Variants in CLDN14 observed in about 807,000 individuals in gnomAD.
The protein encoded by CLDN14 is claudin-14.
Under a neutral mutation model 2.1 loss-of-function variants are expected in CLDN14, and 2 were observed. The ratio of observed to expected loss-of-function variants is 0.96; its 90% CI spans 0.39 to 3.01. CLDN14 has a LOEUF of 3.01. Among genes scored for constraint, CLDN14 ranks in the 30% most tolerant of loss-of-function variants. The probability of loss-of-function intolerance (pLI) is 0.09; values close to 1 mark genes in which losing one functional copy is unlikely to be tolerated. For synonymous variants in CLDN14, 136 were observed against 154.4 expected (o/e 0.88, Z 0.88); for missense variants, 298 against 328.0 (o/e 0.91, Z 0.71).
intron 1 of CLDN14, among the ~76,000 whole-genome samples, chr21:36,470,384 C>T (rs562668046): frequency 5.3e-5 from 8 of 152,220 alleles, no homozygotes; most frequent in East Asian, 1.9e-4. Context: ...CATGTGCAGA[C>T]GGAGGCAGAG....
intron 1 of CLDN14, among the ~76,000 whole-genome samples, chr21:36,572,297 C>T (rs547938661): frequency 1.6e-4 from 25 of 152,118 alleles, no homozygotes; most frequent in African/African-American, 5.5e-4. Flanking sequence ...TGCGCGTGCT[C>T]CCCAAACAGG....
intron 1 of CLDN14, among the ~76,000 whole-genome samples, chr21:36,470,817 TA>T (rs200002130): frequency 6.0e-5 from 9 of 150,964 alleles, no homozygotes; most frequent in Admixed American, 6.6e-5. Context: ...CCACTAAAAA[TA>T]AAAAAAAATT....
chr21:36,565,657 G>A (rs557335650), intron 1 of CLDN14, among the ~76,000 whole-genome samples: 49 of 152,148 alleles, frequency 3.2e-4, no homozygotes, highest in Non-Finnish European at 5.7e-4. Flanking sequence ...TCTGAACATC[G>A]GGGAGAGGGC....
chr21:36,565,421 C>CT (rs35387904), intron 1 of CLDN14, among the ~76,000 whole-genome samples: 310 of 149,184 alleles, frequency 2.1e-3, no homozygotes, highest in Middle Eastern at 0.01. Context: ...TTTCCCAAAT[C>CT]TTTTTTTTTT....
At position 36,516,770 on chromosome 21, in the gene CLDN14, C is replaced by T. The variant is rs1012099485; in HGVS notation, c.-219-6270G>A. On this transcript the variant is annotated intron_variant, in intron 1 of 2. Transcript: ENST00000342108. ...GCTGGACACACAGTACATTGGTGAGCGATAAGACATAGGAAAGTTAAATTC... is the reference window on the plus strand; with the variant it reads ...GCTGGACACACAGTACATTGGTGAGTGATAAGACATAGGAAAGTTAAATTC... Among the ~76,000 whole-genome samples the T allele has an allele frequency of 8.5e-5, 13 of 152,154 alleles. 1 individual carries two copies. The highest frequency in any genetic ancestry group is 4.1e-4 in the South Asian group (2 of 4,830).
At chr21:36,523,559 C>T (rs931009285) in intron 1 of CLDN14, among the ~76,000 whole-genome samples, 2 of 151,494 alleles carry the variant, frequency 1.3e-5, no homozygotes, top group African/African-American at 2.4e-5. Flanking sequence ...CCAACCTGGT[C>T]GACATGGCAA....
At chr21:36,496,670 A>AGAGG (rs1269463595) in intron 2 of CLDN14, among the ~76,000 whole-genome samples, 1 of 125,500 alleles carries the variant, frequency 8.0e-6, no homozygotes, top group African/African-American at 3.2e-5. Flanking sequence ...AGAAGAAAGC[A>AGAGG]GAGGAAGGAA....
At chr21:36,507,522 G>T (rs749020586) in intron 2 of CLDN14, among the ~76,000 whole-genome samples, 5 of 152,198 alleles carry the variant, frequency 3.3e-5, no homozygotes, top group Non-Finnish European at 5.9e-5. Flanking sequence ...CCAGCACTTC[G>T]AAAGGCCAAG....
intron 1 of CLDN14, among the ~76,000 whole-genome samples, chr21:36,529,951 C>A (rs556780753): frequency 6.6e-6 from 1 of 152,266 alleles, no homozygotes; most frequent in African/African-American, 2.4e-5. Flanking sequence ...TGCTCATCGA[C>A]CCCGAATAAC....
intron 1 of CLDN14, among the ~76,000 whole-genome samples, chr21:36,514,702 G>C (rs2087213761): frequency 6.6e-6 from 1 of 151,524 alleles, no homozygotes; most frequent in Non-Finnish European, 1.5e-5. Flanking sequence ...CATGGGAAGA[G>C]AGGAGAGGAG....
intron 1 of CLDN14, among the ~76,000 whole-genome samples, chr21:36,471,915 C>T (rs1011495301): frequency 2.0e-5 from 3 of 152,028 alleles, no homozygotes; most frequent in Non-Finnish European, 1.5e-5. Flanking sequence ...AGGTTTAAAA[C>T]TCATTCTCTG....
In CLDN14 at chr21:36,553,183, C is replaced by T. The variant is rs1251108243; in HGVS notation, c.-220+23228G>A. ...AAGGTAGCTGCAGCCTCGAGGCCCC[C>T]GTCTGTTGGAAGGACTCCCCTCGAG... On this transcript the variant is annotated intron_variant, in intron 1 of 2. Coordinates refer to the CLDN14 transcript ENST00000342108. Among the ~76,000 whole-genome samples the T allele has an allele frequency of 2.6e-5, 4 of 152,310 alleles. No individual in the cohort carries two copies. In the East Asian group the frequency reaches 5.8e-4, roughly 22 times the overall value.
chr21:36,536,626 A>G (rs531192815), intron 1 of CLDN14, among the ~76,000 whole-genome samples: 78 of 152,314 alleles, frequency 5.1e-4, no homozygotes, highest in African/African-American at 1.8e-3. Flanking sequence ...GAAAGCTGAG[A>G]GTGAAATTTT....
At chr21:36,561,963 T>C (rs77395965) in intron 1 of CLDN14, among the ~76,000 whole-genome samples, 1 of 150,426 alleles carries the variant, frequency 6.6e-6, no homozygotes, top group Non-Finnish European at 1.5e-5. Context: ...TTCAAGACTC[T>C]TGTTTTGCTG....
At chr21:36,483,256 C>T (rs1473095722), upstream of CLDN14, among the ~76,000 whole-genome samples, 1 of 149,414 alleles carries the variant, frequency 6.7e-6, no homozygotes, top group Non-Finnish European at 1.5e-5. Flanking sequence ...GTTTCTGACT[C>T]GGGGTCTGCA....
intron 1 of CLDN14, among the ~76,000 whole-genome samples, chr21:36,568,411 G>GA (rs905923271): frequency 6.6e-6 from 1 of 152,170 alleles, no homozygotes; most frequent in South Asian, 2.1e-4. Flanking sequence ...TCCCAGCTAG[G>GA]AAAAAAATGC....
At chr21:36,521,052 T>C (rs75461286) in intron 1 of CLDN14, among the ~76,000 whole-genome samples, 2,693 of 152,134 alleles carry the variant, frequency 0.018, 83 homozygotes, top group African/African-American at 0.062. Flanking sequence ...AGCCAGACGT[T>C]CTTGAAAAGC....
rs58458004 is a variant in CLDN14, at chr21:36,501,332, CTTTTT to C, written c.-82+9026_-82+9030del. 9.8e-3 allele frequency among the ~76,000 whole-genome samples: 471 copies of C among 48,214 alleles called. 5 individuals are homozygous for C. Among genetic ancestry groups the C allele is most frequent in the African/African-American group, 0.025 (442 of 17,396 alleles). The allele number at this position is 48,214 out of a possible 152,430, so 31.6% of individuals were successfully genotyped here. A position where few individuals can be genotyped will look rare whatever the true frequency, so the allele number is the denominator to read the frequency against. The stretch of plus-strand genomic sequence containing the variant: ...AATGGGAGTTTCAGTCAATATCTCA[CTTTTT>C]TTTTTTTTTTTTTTTTTTTTTTTTT... On this transcript the variant is annotated intron_variant, in intron 2 of 2. Coordinates refer to the CLDN14 transcript ENST00000342108.
At chr21:36,515,672 CAAAA>C (rs112275304) in intron 1 of CLDN14, among the ~76,000 whole-genome samples, 3 of 85,250 alleles carry the variant, frequency 3.5e-5, no homozygotes, top group Non-Finnish European at 7.6e-5. Context: ...GTCTCCATCT[CAAAA>C]AAAAAAAAAA....
Sources: gnomAD v4.1 joint callset for allele counts (sites outside exome capture counted in the v4.1 genomes callset) on GRCh38, gnomAD v4.1.1 for gene constraint, MANE v1.5 for transcripts, NCBI Gene and HGNC (gene_info 2026-07-23, HGNC 2026-07-21) for gene names.